The following RTN3 variants were observed in gnomAD, a reference collection of about 807,000 sequenced individuals.
RTN3 encodes the protein reticulon-3.
In RTN3, 49 loss-of-function variants were observed where a neutral mutation model predicts 77.8. That is an observed-to-expected ratio of 0.63 (90% CI 0.50 to 0.80). RTN3 has a LOEUF of 0.80. RTN3 is among the 30% of genes least tolerant of loss of function. The pLI, the probability that RTN3 is intolerant of heterozygous loss-of-function variation, is 0.00. For missense variants in RTN3, 1,236 were observed against 1,211.9 expected (o/e 1.02, Z -0.29); for synonymous variants, 464 against 446.9 (o/e 1.04, Z -0.48).
At chr11:63,742,610 A>G (rs957615381) in intron 3 of RTN3, among the ~76,000 whole-genome samples, 1 of 152,044 alleles carries the variant, frequency 6.6e-6, no homozygotes, top group Non-Finnish European at 1.5e-5. Flanking sequence ...ATGCCACTGC[A>G]CTCCAGCCTG....
chr11:63,731,005 T>C (rs901757065), intron 3 of RTN3, among the ~76,000 whole-genome samples: 2 of 152,108 alleles, frequency 1.3e-5, no homozygotes, highest in Admixed American at 1.3e-4. Flanking sequence ...TACAAGTGTA[T>C]AAGGTATGCA....
At chr11:63,724,271 C>T (rs921866493) in intron 3 of RTN3, among the ~76,000 whole-genome samples, 1 of 148,072 alleles carries the variant, frequency 6.8e-6, no homozygotes, top group African/African-American at 2.5e-5. Context: ...CAAGCTCTGC[C>T]TCCCGGGTTC....
At chr11:63,705,397 T>TC (rs1942449686) in intron 2 of RTN3, among the ~76,000 whole-genome samples, 1 of 152,160 alleles carries the variant, frequency 6.6e-6, no homozygotes, top group Admixed American at 6.5e-5. Flanking sequence ...GGAGGATTGC[T>TC]TGAGCCCAGG....
At chr11:63,724,206 A>T (rs2012045941) in intron 3 of RTN3, among the ~76,000 whole-genome samples, 1 of 119,154 alleles carries the variant, frequency 8.4e-6, no homozygotes, top group African/African-American at 3.4e-5. Context: ...TTTTTGAGAC[A>T]GAGTCTCGCT....
intron 3 of RTN3, among the ~76,000 whole-genome samples, chr11:63,729,909 C>G (rs1053323106): frequency 3.3e-5 from 5 of 152,040 alleles, no homozygotes; most frequent in Non-Finnish European, 7.4e-5. Context: ...CCTCCCACTT[C>G]ACCTTTTTGG....
Position 63,719,362 on chromosome 11 carries a change from T to C in RTN3, c.860T>C (p.Ile287Thr). 1 of 1,614,166 alleles carries C rather than the reference T, an allele frequency of 6.2e-7. No individual in the cohort carries two copies. Among genetic ancestry groups the C allele is most frequent in the Non-Finnish European group, 8.5e-7 (1 of 1,180,026 alleles). The change falls in exon 3 of 9, where the codon ATT becomes ACT. Residue 287 changes from isoleucine to threonine, a missense_variant. By Grantham distance (89) the Ile-to-Thr change is moderately conservative. Coordinates refer to ENST00000377819, the MANE Select transcript of RTN3 (RefSeq NM_001265589.2). The part of the protein sequence containing the change: ...VHTDKESSED[I>T]SETNDKLFPL... ...ACTGATAAAGAATCATCCGAAGACATTTCAGAGACTAATGACAAGCTTTTT... is the reference window on the plus strand; with the variant it reads ...ACTGATAAAGAATCATCCGAAGACACTTCAGAGACTAATGACAAGCTTTTT...
At chr11:63,754,622 C>T (rs936869478) in intron 7 of RTN3, among the ~76,000 whole-genome samples, 12 of 147,326 alleles carry the variant, frequency 8.1e-5, no homozygotes. Context: ...ATTGCTTGAA[C>T]CTGGGAGGTG....
chr11:63,732,557 C>T (rs1364112325), intron 3 of RTN3, among the ~76,000 whole-genome samples: 1 of 151,396 alleles, frequency 6.6e-6, no homozygotes, highest in Non-Finnish European at 1.5e-5. Flanking sequence ...CATTCAGATC[C>T]TACAGATATT....
chr11:63,738,567 G>T (rs1461744304), intron 3 of RTN3, among the ~76,000 whole-genome samples: 4 of 151,584 alleles, frequency 2.6e-5, no homozygotes, highest in Non-Finnish European at 5.9e-5. Context: ...ACCTGAGCTC[G>T]GGAAGTCGAG....
chr11:63,758,943 A>G lies in RTN3; in HGVS notation c.*742A>G, dbSNP rs1011006653. 6.6e-6 allele frequency: 1 copy of G among 152,280 alleles called. No individual in the cohort carries two copies. Among genetic ancestry groups the G allele is most frequent in the African/African-American group, 2.4e-5 (1 of 41,456 alleles). 9.4% of individuals were successfully genotyped at this position (152,280 alleles called of 1,614,324 possible). A position where few individuals can be genotyped will look rare whatever the true frequency, so the allele number is the denominator to read the frequency against. On this transcript the variant is annotated 3_prime_UTR_variant, in exon 9 of 9. Transcript: ENST00000377819. ...GAAAGTGGTTTCTACGTCACTGGAC[A>G]CCGGTTCTGAGCATTAGTTTGAGAA...
chr11:63,739,858 T>G (rs996289386), intron 3 of RTN3, among the ~76,000 whole-genome samples: 1 of 152,130 alleles, frequency 6.6e-6, no homozygotes, highest in African/African-American at 2.4e-5. Flanking sequence ...GATGTTTGAG[T>G]GTAGATGATG....
intron 1 of RTN3, among the ~76,000 whole-genome samples, chr11:63,692,747 C>T (rs1426776071): frequency 2.7e-5 from 4 of 150,032 alleles, no homozygotes; most frequent in East Asian, 3.9e-4. Flanking sequence ...GGTGACAGAG[C>T]GAGACTCCGT....
chr11:63,742,267 C>T (rs1190486849), intron 3 of RTN3, among the ~76,000 whole-genome samples: 1 of 151,580 alleles, frequency 6.6e-6, no homozygotes, highest in African/African-American at 2.4e-5. Context: ...GCATGAGCCA[C>T]CGCGCCTTGC....
chr11:63,743,719 A>G (rs1469655570), intron 3 of RTN3, among the ~76,000 whole-genome samples: 1 of 152,116 alleles, frequency 6.6e-6, no homozygotes, highest in African/African-American at 2.4e-5. Context: ...GTTGGAGACC[A>G]GCCTGGCCAA....
chr11:63,681,604 T>C lies in RTN3; in HGVS notation c.-33T>C. 1 of 1,567,610 alleles carries C rather than the reference T, an allele frequency of 6.4e-7. No homozygotes were observed. The highest frequency in any genetic ancestry group is 8.7e-7 in the Non-Finnish European group (1 of 1,155,474). The stretch of plus-strand genomic sequence containing the variant: ...TCCCTCTCTCCCGCCCCGTATCTCT[T>C]TTCACCCTTCTCCCACCCTCGCTCG... On this transcript the variant is annotated 5_prime_UTR_variant, in exon 1 of 9. Transcript: ENST00000377819.
At chr11:63,696,865 CTTTCTTTCTTTCTTTCT>C (rs1233000593) in intron 1 of RTN3, among the ~76,000 whole-genome samples, 18 of 56,722 alleles carry the variant, frequency 3.2e-4, no homozygotes, top group African/African-American at 7.5e-4. Flanking sequence ...TATTTTCTTT[CTTTCTTTCTTTCTTTCT>C]TTTTTTTTTT....
rs1169357292 is a variant in RTN3, at chr11:63,719,517, A to C, written c.1015A>C (p.Ile339Leu). The change falls in exon 3 of 9, where the codon ATA becomes CTA. Residue 339 changes from isoleucine (I) to leucine (L), a missense_variant. Transcript: ENST00000377819. ...TGATATGCATAACTTTACTAACGAA[A>C]TACTGACTTGGGATCTGGTTCCCCA... The part of the protein sequence containing the change: ...VNDMHNFTNE[I>L]LTWDLVPQVK... 6.2e-7 allele frequency: 1 copy of C among 1,614,186 alleles called. No homozygotes were observed. Among genetic ancestry groups the C allele is most frequent in the Non-Finnish European group, 8.5e-7 (1 of 1,180,030 alleles).
intron 1 of RTN3, among the ~76,000 whole-genome samples, chr11:63,683,775 ACTTCT>A (rs1171048960): frequency 1.3e-5 from 2 of 151,936 alleles, no homozygotes; most frequent in African/African-American, 4.8e-5. Flanking sequence ...TATTTTTTGC[ACTTCT>A]CTTTATAATA....
chr11:63,758,156 G>T lies in RTN3; in HGVS notation c.3054G>T (p.Lys1018Asn). ...ARDQTKSIVEKIQAKLPGIAK... is the reference protein window; with the variant it reads ...ARDQTKSIVENIQAKLPGIAK... ...CTTTTTCCCCTCCTTTTCTCAATAG[G>T]ATCCAAGCAAAACTCCCTGGAATCG... Residue 1018 changes from lysine to asparagine, a missense_variant and splice_region_variant, in exon 9 of 9, where the codon AAG (lysine) becomes AAT (asparagine). Physicochemically the swap from Lys to Asn is moderately conservative, Grantham distance 94. Around this residue, in one of 3 missense-constraint regions of RTN3, gnomAD observed 141 missense variants for 154.9 expected, o/e 0.91. Transcript: ENST00000377819. 1 of 1,594,092 alleles carries T rather than the reference G, an allele frequency of 6.3e-7. No individual in the cohort carries two copies. Among genetic ancestry groups the T allele is most frequent in the Non-Finnish European group, 8.5e-7 (1 of 1,169,928 alleles).
Sources: gnomAD v4.1 joint callset for allele counts (sites outside exome capture counted in the v4.1 genomes callset) on GRCh38, gnomAD v4.1.1 for gene constraint, gnomAD v4.1.1 regional missense constraint, MANE v1.5 for transcripts, NCBI Gene and HGNC (gene_info 2026-07-23, HGNC 2026-07-21) for gene names.